Variants in MGST2 observed in about 807,000 individuals in gnomAD.
MGST2 encodes glutathione peroxidase MGST2.
MGST2 carries 9 observed loss-of-function variants against 16.6 expected under a neutral mutation model. That is an observed-to-expected ratio of 0.54 (90% CI 0.33 to 0.95). The LOEUF (loss-of-function observed/expected upper bound fraction) is 0.95. MGST2 is among the 40% of genes least tolerant of loss of function. The pLI is 0.03. For missense variants in MGST2, 159 were observed against 175.1 expected (o/e 0.91, Z 0.52); for synonymous variants, 79 against 68.0 (o/e 1.16, Z -0.79).
rs534106714 is a variant in MGST2 at position 139,695,350 on chromosome 4, G to A, written c.229+83G>A. 139 of 1,166,944 alleles carry A rather than the reference G, an allele frequency of 1.2e-4. 2 individuals carry two copies. In the South Asian group the frequency reaches 1.3e-3, roughly 11 times the overall value. The allele number at this position is 1,166,944 out of a possible 1,614,324, so 72.3% of individuals were successfully genotyped here. A position where few individuals can be genotyped will look rare whatever the true frequency, so the allele number is the denominator to read the frequency against. ...AAGGAGTAGATATATGGCCAGGCAC[G>A]GTGGCTCACACCTATATTCCCAGCA... On this transcript the variant is annotated intron_variant, in intron 3 of 4. Coordinates refer to ENST00000265498, the MANE Select transcript of MGST2 (RefSeq NM_002413.5).
intron 2 of MGST2, chr4:139,687,772 G>A (rs919526952): frequency 2.0e-5 from 3 of 152,192 alleles, no homozygotes; most frequent in African/African-American, 7.2e-5. Flanking sequence ...GAGCTGATAT[G>A]GAGTCCAGCC....
exon 6 of MGST2, chr4:139,740,483 A>G (rs1729125845): frequency 6.6e-6 from 1 of 152,052 alleles, no homozygotes; most frequent in African/African-American, 2.4e-5. Flanking sequence ...TCTTTCCTTG[A>G]TTTAAAAATA....
At chr4:139,691,691 GATGATGATT>G (rs960837291) in intron 2 of MGST2, among the ~76,000 whole-genome samples, 7 of 130,002 alleles carry the variant, frequency 5.4e-5, no homozygotes, top group East Asian at 2.5e-4. Flanking sequence ...TGATGATGAT[GATGATGATT>G]ATTATTATTA....
intron 2 of MGST2, 46 bp downstream of exon 2, chr4:139,678,688 C>A: frequency 7.0e-7 from 1 of 1,423,948 alleles, no homozygotes; most frequent in Non-Finnish European, 9.9e-7. Context: ...GCCTGCCATA[C>A]AGACACAATT....
At chr4:139,739,688 T>TTC (rs1729087345) in intron 5 of MGST2, among the ~76,000 whole-genome samples, 2 of 144,178 alleles carry the variant, frequency 1.4e-5, no homozygotes, top group Admixed American at 6.9e-5. Context: ...AGTTTTTTTT[T>TTC]TTTTTTCTTT....
At chr4:139,670,645 G>A (rs577087950) in intron 1 of MGST2, among the ~76,000 whole-genome samples, 17 of 152,208 alleles carry the variant, frequency 1.1e-4, no homozygotes, top group African/African-American at 3.8e-4. Context: ...CAGGTGTGGT[G>A]GTTCATGCCT....
intron 3 of MGST2, among the ~76,000 whole-genome samples, chr4:139,703,173 C>G (rs528026065): frequency 3.3e-4 from 50 of 152,000 alleles, no homozygotes; most frequent in African/African-American, 1.2e-3. Context: ...TGATTCACCC[C>G]CCCTCGGCCT....
At chr4:139,746,910 G>T in the MGST2 span, among the ~76,000 whole-genome samples, 1 of 152,106 alleles carries the variant, frequency 6.6e-6, no homozygotes, top group Admixed American at 6.5e-5. Flanking sequence ...GGTTGCTGGC[G>T]TCTGCTGTCC....
chr4:139,716,120 T>C (rs1727944800), intron 5 of MGST2, among the ~76,000 whole-genome samples: 1 of 152,224 alleles, frequency 6.6e-6, no homozygotes, highest in Non-Finnish European at 1.5e-5. Context: ...AGTAGAGCTC[T>C]GGAGCAAAAT....
chr4:139,693,572 A>G (rs1726743924), intron 2 of MGST2, among the ~76,000 whole-genome samples: 1 of 152,168 alleles, frequency 6.6e-6, no homozygotes, highest in Admixed American at 6.5e-5. Context: ...ATAAAGTATG[A>G]ATTTTATCAA....
chr4:139,670,345 G>T (rs1579284977), intron 1 of MGST2, among the ~76,000 whole-genome samples: 1 of 152,048 alleles, frequency 6.6e-6, no homozygotes, highest in East Asian at 1.9e-4. Context: ...ACCATGGCTC[G>T]GAGAAAACAC....
chr4:139,731,830 C>T (rs1728739543), intron 5 of MGST2, among the ~76,000 whole-genome samples: 1 of 152,188 alleles, frequency 6.6e-6, no homozygotes, highest in South Asian at 2.1e-4. Flanking sequence ...AGTTTATGCT[C>T]TGAGCTGGAC....
the MGST2 span, among the ~76,000 whole-genome samples, chr4:139,754,098 T>C: frequency 6.6e-6 from 1 of 152,274 alleles, no homozygotes; most frequent in Non-Finnish European, 1.5e-5. Flanking sequence ...ATTAGTTGAA[T>C]AGTAACATAT....
At chr4:139,682,984 C>T (rs1184140211) in intron 2 of MGST2, among the ~76,000 whole-genome samples, 1 of 152,218 alleles carries the variant, frequency 6.6e-6, no homozygotes, top group Non-Finnish European at 1.5e-5. Flanking sequence ...GCTCCTCCCT[C>T]TGCACAAGGT....
chr4:139,722,665 C>T (rs1037375997), intron 5 of MGST2, among the ~76,000 whole-genome samples: 2 of 152,136 alleles, frequency 1.3e-5, no homozygotes, highest in Non-Finnish European at 2.9e-5. Flanking sequence ...AGTATTTCCC[C>T]ATAGTCATGT....
intron 1 of MGST2, among the ~76,000 whole-genome samples, chr4:139,676,019 G>T (rs1016308366): frequency 6.6e-6 from 1 of 152,098 alleles, no homozygotes; most frequent in African/African-American, 2.4e-5. Flanking sequence ...CCTCTGGATG[G>T]TCGGCTTCAT....
intron 2 of MGST2, among the ~76,000 whole-genome samples, chr4:139,682,073 G>A (rs1731271864): frequency 6.6e-6 from 1 of 152,014 alleles, no homozygotes; most frequent in African/African-American, 2.4e-5. Flanking sequence ...GTACATACCT[G>A]CAGTCCTAGC....
At chr4:139,707,561 G>T (rs1727568246), downstream of MGST2, among the ~76,000 whole-genome samples, 1 of 152,118 alleles carries the variant, frequency 6.6e-6, no homozygotes, top group Admixed American at 6.5e-5. Context: ...AATCCTTTGG[G>T]TATATACCCA....
intron 5 of MGST2, among the ~76,000 whole-genome samples, chr4:139,728,308 G>A (rs1728559028): frequency 6.6e-6 from 1 of 152,206 alleles, no homozygotes; most frequent in Admixed American, 6.5e-5. Flanking sequence ...TCAGGTACAG[G>A]CAAGACGCTC....
Sources: gnomAD v4.1 joint callset for allele counts (sites outside exome capture counted in the v4.1 genomes callset) on GRCh38, gnomAD v4.1.1 for gene constraint, MANE v1.5 for transcripts, NCBI Gene and HGNC (gene_info 2026-07-23, HGNC 2026-07-21) for gene names.